The following TENM3 variants were observed in gnomAD, a reference collection of about 807,000 sequenced individuals.
TENM3 encodes the protein teneurin-3.
A neutral mutation model predicts 255.1 loss-of-function variants in TENM3; 63 were observed. That is an observed-to-expected ratio of 0.25 (90% CI 0.20 to 0.30). TENM3 has a LOEUF of 0.30. Among genes scored for constraint, TENM3 ranks in the 10% least tolerant of loss-of-function variants. The probability of loss-of-function intolerance (pLI) is 1.00; values close to 1 mark genes in which losing one functional copy is unlikely to be tolerated. For synonymous variants in TENM3, 1,306 were observed against 1,322.3 expected, an observed-to-expected ratio of 0.99 and a Z score of 0.27; for missense variants, 2,929 against 3,461.1, an observed-to-expected ratio of 0.85 and a Z score of 3.86.
chr4:181,793,616 G>A, the TENM3 span, among the ~76,000 whole-genome samples: 1 of 152,150 alleles, frequency 6.6e-6, no homozygotes, highest in Non-Finnish European at 1.5e-5. Flanking sequence ...TTATCACTTG[G>A]TATAGAGCTA....
chr4:182,785,055 T>G (rs1210250636), intron 24 of TENM3, among the ~76,000 whole-genome samples: 1 of 151,960 alleles, frequency 6.6e-6, no homozygotes, highest in Non-Finnish European at 1.5e-5. Context: ...GAGCTGTTCC[T>G]ATTCGGCCAT....
the TENM3 span, among the ~76,000 whole-genome samples, chr4:181,807,573 G>A: frequency 1.7e-3 from 263 of 152,246 alleles, no homozygotes; most frequent in African/African-American, 6.1e-3. Context: ...GTCTGGTCTT[G>A]AACTCCCGAC....
chr4:182,713,942 A>T, intron 12 of TENM3, 145 bp from the exon 13 acceptor site: 1 of 630,022 alleles, frequency 1.6e-6, no homozygotes, highest in Non-Finnish European at 2.7e-6. Context: ...TTCCATAGAT[A>T]ACGTTGCTGT....
intron 3 of TENM3, among the ~76,000 whole-genome samples, chr4:182,415,388 A>C (rs1215596969): frequency 6.6e-6 from 1 of 152,244 alleles, no homozygotes; most frequent in Non-Finnish European, 1.5e-5. Context: ...TGTTATGACC[A>C]AAATTAGTAC....
intron 4 of TENM3, among the ~76,000 whole-genome samples, chr4:182,616,897 G>GT (rs1471236680): frequency 2.0e-5 from 3 of 152,076 alleles, no homozygotes; most frequent in African/African-American, 7.2e-5. Context: ...TTTTTCTTTA[G>GT]TTTTCTGTTT....
chr4:182,553,593 A>G (rs1742289053), intron 3 of TENM3, among the ~76,000 whole-genome samples: 1 of 152,224 alleles, frequency 6.6e-6, no homozygotes, highest in South Asian at 2.1e-4. Context: ...ACTTAAGAGC[A>G]TAATGAAAGT....
At chr4:182,021,204 C>T in the TENM3 span, among the ~76,000 whole-genome samples, 1 of 152,148 alleles carries the variant, frequency 6.6e-6, no homozygotes, top group Non-Finnish European at 1.5e-5. Flanking sequence ...GAATAATAGC[C>T]TCCAGGGGCA....
intron 3 of TENM3, among the ~76,000 whole-genome samples, chr4:182,495,556 ACT>A (rs1363437343): frequency 1.3e-4 from 20 of 152,216 alleles, no homozygotes; most frequent in African/African-American, 3.9e-4. Context: ...AAAAATGAAG[ACT>A]CTCTTGCATA....
chr4:182,434,723 C>G (rs1771925500), intron 3 of TENM3, among the ~76,000 whole-genome samples: 1 of 151,890 alleles, frequency 6.6e-6, no homozygotes, highest in African/African-American at 2.4e-5. Flanking sequence ...AATTGCACCC[C>G]AGAGATTATT....
At chr4:181,551,836 ATATGTGTGTGTGTGTGTGTGTG>A in the TENM3 span, among the ~76,000 whole-genome samples, 2 of 20,382 alleles carry the variant, frequency 9.8e-5, no homozygotes, top group South Asian at 1.7e-3. Flanking sequence ...ATATATATGT[ATATGTGTGTGTGTGTGTGTGTG>A]TGTGTGTGTG....
the TENM3 span, among the ~76,000 whole-genome samples, chr4:181,648,325 G>A: frequency 6.6e-6 from 1 of 152,076 alleles, no homozygotes; most frequent in African/African-American, 2.4e-5. Flanking sequence ...AAGAAAAGTC[G>A]GGTTTCCTAA....
chr4:181,506,265 A>G, the TENM3 span, among the ~76,000 whole-genome samples: 1 of 152,086 alleles, frequency 6.6e-6, no homozygotes, highest in African/African-American at 2.4e-5. Flanking sequence ...ATATAACACT[A>G]TTTTGATTTC....
the TENM3 span, among the ~76,000 whole-genome samples, chr4:181,544,908 C>G: frequency 6.6e-6 from 1 of 152,184 alleles, no homozygotes; most frequent in East Asian, 1.9e-4. Context: ...CTTTTTCTTC[C>G]TGCATGAGAA....
intron 25 of TENM3, among the ~76,000 whole-genome samples, chr4:182,790,265 T>A (rs1434898638): frequency 6.7e-6 from 1 of 148,632 alleles, no homozygotes; most frequent in Non-Finnish European, 1.5e-5. Flanking sequence ...CAGCAGCGCG[T>A]GCTACACACT....
At chr4:181,557,398 T>C in the TENM3 span, among the ~76,000 whole-genome samples, 1 of 152,234 alleles carries the variant, frequency 6.6e-6, no homozygotes, top group Non-Finnish European at 1.5e-5. Flanking sequence ...TTTCAACTTT[T>C]ATGTATGGAA....
chr4:182,430,052 C>G (rs978477363), intron 3 of TENM3, among the ~76,000 whole-genome samples: 1 of 152,208 alleles, frequency 6.6e-6, no homozygotes, highest in Admixed American at 6.5e-5. Context: ...TTAGTTTTCA[C>G]CATTCTTCAA....
chr4:182,368,529 A>T (rs920702163), intron 3 of TENM3, among the ~76,000 whole-genome samples: 2 of 152,154 alleles, frequency 1.3e-5, no homozygotes, highest in African/African-American at 4.8e-5. Flanking sequence ...TGCTAATACC[A>T]TTAGCAGATT....
intron 5 of TENM3, chr4:182,631,751 A>T (rs913262924): frequency 6.6e-6 from 1 of 152,194 alleles, no homozygotes; most frequent in African/African-American, 2.4e-5. Context: ...CCCTTCTCTT[A>T]TATTGACCGT....
At chr4:181,548,112 A>C in the TENM3 span, among the ~76,000 whole-genome samples, 16 of 152,216 alleles carry the variant, frequency 1.1e-4, no homozygotes, top group Non-Finnish European at 2.1e-4. Flanking sequence ...TTCCAGCTTC[A>C]TCCATCTCAC....
Sources: allele counts gnomAD v4.1 joint callset (sites outside exome capture counted in the v4.1 genomes callset), GRCh38; gene constraint gnomAD v4.1.1; transcripts MANE v1.5; gene names NCBI Gene and HGNC (gene_info 2026-07-23, HGNC 2026-07-21).